Variants in CDIN1 observed in about 807,000 individuals in gnomAD.
The protein encoded by CDIN1 is CDAN1 interacting nuclease 1.
A neutral mutation model predicts 45.3 loss-of-function variants in CDIN1; 33 were observed. The observed-to-expected ratio is 0.73, with a 90% CI of 0.55 to 0.97. CDIN1 has a LOEUF of 0.97. CDIN1 is among the 50% of genes least tolerant of loss of function. CDIN1 has a pLI of 0.00. For synonymous variants in CDIN1, 118 were observed against 124.4 expected, an observed-to-expected ratio of 0.95 and a Z score of 0.34; for missense variants, 303 against 339.4, an observed-to-expected ratio of 0.89 and a Z score of 0.84.
chr15:36,746,669 C>CCACCCACA (rs1555403572), intron 10 of CDIN1, among the ~76,000 whole-genome samples: 1 of 141,434 alleles, frequency 7.1e-6, no homozygotes, highest in Admixed American at 7.2e-5. Context: ...ATATATGGTT[C>CCACCCACA]CACACACACA....
Position 36,644,281 on chromosome 15 carries a change from A to G in CDIN1, c.105A>G (p.Gln35=), listed in dbSNP as rs1350225908. ...GTCCTTCTTTTATTTGTTCCAGTCA[A>G]TCGCAGGCCACTCTGCTGAGCATCT... The part of the protein sequence containing the change: ...LRKLKQRFPS[Q]SQATLLSIFS... Residue 35 remains glutamine (Q), a synonymous_variant, in exon 2 of 11, where the codon CAA becomes CAG. Transcript: ENST00000566621. 5.6e-6 allele frequency: 9 copies of G among 1,613,470 alleles called. No homozygotes were observed. Among genetic ancestry groups the G allele is most frequent in the Non-Finnish European group, 7.6e-6 (9 of 1,179,664 alleles).
chr15:36,638,920 A>G (rs1287908237), intron 1 of CDIN1, among the ~76,000 whole-genome samples: 1 of 152,194 alleles, frequency 6.6e-6, no homozygotes, highest in Non-Finnish European at 1.5e-5. Context: ...GCAGATTAGC[A>G]TTGGGATTAA....
intron 3 of CDIN1, among the ~76,000 whole-genome samples, chr15:36,653,347 G>C (rs1037064337): frequency 5.9e-5 from 9 of 151,810 alleles, no homozygotes; most frequent in Non-Finnish European, 1.2e-4. Flanking sequence ...GTAGAAACCA[G>C]ATTATGAAGA....
intron 5 of CDIN1, among the ~76,000 whole-genome samples, chr15:36,674,056 T>G (rs1464987896): frequency 6.6e-6 from 1 of 152,280 alleles, no homozygotes; most frequent in African/African-American, 2.4e-5. Flanking sequence ...TATATTTCTC[T>G]TAACCTTACC....
intron 1 of CDIN1, among the ~76,000 whole-genome samples, chr15:36,583,531 A>G (rs1402836858): frequency 6.6e-6 from 1 of 152,206 alleles, no homozygotes; most frequent in Non-Finnish European, 1.5e-5. Flanking sequence ...ATTCACCCTC[A>G]TTCTATTTTC....
At chr15:36,754,790 T>TTATA (rs1412871925) in intron 10 of CDIN1, among the ~76,000 whole-genome samples, 1 of 152,076 alleles carries the variant, frequency 6.6e-6, no homozygotes, top group Non-Finnish European at 1.5e-5. Context: ...GTATTAACAA[T>TTATA]TATAGTACCT....
chr15:36,726,051 A>C (rs913277173), intron 10 of CDIN1, among the ~76,000 whole-genome samples: 1 of 152,206 alleles, frequency 6.6e-6, no homozygotes, highest in Non-Finnish European at 1.5e-5. Flanking sequence ...TTTGTTTCCA[A>C]ATGTGATAAC....
At chr15:36,582,540 C>T (rs1489568971) in intron 1 of CDIN1, among the ~76,000 whole-genome samples, 1 of 152,172 alleles carries the variant, frequency 6.6e-6, no homozygotes, top group Non-Finnish European at 1.5e-5. Flanking sequence ...GGCAGTTTTA[C>T]TCACCATTGT....
chr15:36,775,428 C>T (rs1262173944), intron 10 of CDIN1, among the ~76,000 whole-genome samples: 1 of 152,194 alleles, frequency 6.6e-6, no homozygotes, highest in African/African-American at 2.4e-5. Context: ...CGGACAAGGT[C>T]TCCAGGAGGT....
chr15:36,723,163 C>T (rs915283511), intron 10 of CDIN1, among the ~76,000 whole-genome samples: 2 of 152,118 alleles, frequency 1.3e-5, no homozygotes, highest in Non-Finnish European at 2.9e-5. Context: ...TCTTGCTTCT[C>T]TTTATATATT....
intron 8 of CDIN1, among the ~76,000 whole-genome samples, chr15:36,701,415 GT>G (rs367878612): frequency 7.2e-5 from 11 of 151,806 alleles, no homozygotes; most frequent in Non-Finnish European, 1.3e-4. Context: ...TTTTTTGTGT[GT>G]TTTTTTTAGC....
At chr15:36,630,417 C>T (rs1000225095) in intron 1 of CDIN1, among the ~76,000 whole-genome samples, 9 of 152,106 alleles carry the variant, frequency 5.9e-5, no homozygotes, top group South Asian at 4.1e-4. Flanking sequence ...TAAGATGAAC[C>T]GGATTCTAAA....
chr15:36,610,880 TG>T (rs1566831363), intron 1 of CDIN1, among the ~76,000 whole-genome samples: 2 of 152,154 alleles, frequency 1.3e-5, no homozygotes, highest in South Asian at 4.1e-4. Flanking sequence ...AGGGGTCCAG[TG>T]GGAAGAGTAA....
intron 10 of CDIN1, among the ~76,000 whole-genome samples, chr15:36,765,295 A>G (rs1203055783): frequency 2.0e-5 from 3 of 151,782 alleles, no homozygotes; most frequent in Non-Finnish European, 4.4e-5. Context: ...ACCTCAAGTG[A>G]TCCACCCACC....
intron 1 of CDIN1, among the ~76,000 whole-genome samples, chr15:36,620,340 A>G (rs920679560): frequency 4.6e-5 from 7 of 152,074 alleles, no homozygotes; most frequent in Non-Finnish European, 5.9e-5. Flanking sequence ...GACAAAGCGA[A>G]ACTCTGTCTC....
chr15:36,712,907 C>T (rs548172345), intron 10 of CDIN1, among the ~76,000 whole-genome samples: 3 of 152,072 alleles, frequency 2.0e-5, no homozygotes, highest in Non-Finnish European at 4.4e-5. Flanking sequence ...ATAAATATAA[C>T]CCCAAATTAT....
At chr15:36,691,403 G>A (rs2042247088) in intron 5 of CDIN1, 4 of 316,022 alleles carry the variant, frequency 1.3e-5, no homozygotes, top group South Asian at 8.8e-5. Context: ...TGGGCTTTTC[G>A]GAAGCTTATT....
intron 5 of CDIN1, among the ~76,000 whole-genome samples, chr15:36,663,745 A>G (rs1482246376): frequency 1.3e-5 from 2 of 152,190 alleles, no homozygotes; most frequent in African/African-American, 4.8e-5. Context: ...ACCGAAGGAG[A>G]GTACTATTAC....
intron 10 of CDIN1, chr15:36,746,946 C>T (rs1027960498): frequency 2.5e-6 from 1 of 398,188 alleles, no homozygotes; most frequent in Non-Finnish European, 4.4e-6. Context: ...GATGGGATCT[C>T]ACAATGTTCC....
Sources: gnomAD v4.1 joint callset for allele counts (sites outside exome capture counted in the v4.1 genomes callset) on GRCh38, gnomAD v4.1.1 for gene constraint, MANE v1.5 for transcripts, NCBI Gene and HGNC (gene_info 2026-07-23, HGNC 2026-07-21) for gene names.